The following CHRM5 variants were observed in gnomAD, a reference collection of about 807,000 sequenced individuals.
CHRM5 encodes the protein cholinergic receptor muscarinic 5, also known as muscarinic acetylcholine receptor M5.
A neutral mutation model predicts 39.0 loss-of-function variants in CHRM5; 18 were observed. The ratio of observed to expected loss-of-function variants is 0.46; its 90% CI spans 0.32 to 0.68. CHRM5 has a LOEUF of 0.68. Ranked by LOEUF, CHRM5 falls within the 30% of genes least tolerant of loss-of-function variation. CHRM5 has a pLI of 0.04. For missense variants in CHRM5, 515 were observed against 651.1 expected (o/e 0.79, Z 2.28); for synonymous variants, 241 against 246.3 (o/e 0.98, Z 0.20).
chr15:34,023,437 T>C (rs556189882), intron 1 of CHRM5, among the ~76,000 whole-genome samples: 46 of 152,276 alleles, frequency 3.0e-4, no homozygotes, highest in African/African-American at 1.0e-3. Context: ...CATCACATAA[T>C]GATAGCCGAT....
intron 1 of CHRM5, among the ~76,000 whole-genome samples, chr15:34,011,309 G>C (rs750806710): frequency 6.6e-6 from 1 of 152,042 alleles, no homozygotes; most frequent in Non-Finnish European, 1.5e-5. Flanking sequence ...AATAAAAAAG[G>C]ATACGGATAT....
At chr15:34,005,404 G>C (rs1046433560) in intron 1 of CHRM5, among the ~76,000 whole-genome samples, 4 of 151,800 alleles carry the variant, frequency 2.6e-5, no homozygotes, top group African/African-American at 9.7e-5. Context: ...GGCTAGGTCT[G>C]TTTGCTTCCT....
Position 34,031,277 on chromosome 15 carries a change from C to T in CHRM5, c.-407-15263C>T, listed in dbSNP as rs188243580. On this transcript the variant is annotated intron_variant, in intron 1 of 2. Coordinates refer to ENST00000383263, the MANE Select transcript of CHRM5 (RefSeq NM_012125.4). ...GCAACCTCCGCCTCCCGGGTTCAAG[C>T]GATTCTCCTGTCTCAGCCTCCCGAG... Among the ~76,000 whole-genome samples the T allele has an allele frequency of 1.5e-4, 22 of 142,844 alleles. No homozygotes were observed. The East Asian group carries it at 4.2e-3, about 28-fold the overall frequency. The allele number at this position is 142,844 out of a possible 152,430, so 93.7% of individuals were successfully genotyped here. A position where few individuals can be genotyped will look rare whatever the true frequency, so the allele number is the denominator to read the frequency against.
intron 1 of CHRM5, among the ~76,000 whole-genome samples, chr15:33,980,865 A>G (rs1435731168): frequency 6.6e-6 from 1 of 152,234 alleles, no homozygotes; most frequent in Non-Finnish European, 1.5e-5. Context: ...ACTTCAAAAT[A>G]TAATGGAAAA....
At chr15:34,005,686 A>C (rs1370980789) in intron 1 of CHRM5, among the ~76,000 whole-genome samples, 1 of 152,218 alleles carries the variant, frequency 6.6e-6, no homozygotes, top group Admixed American at 6.5e-5. Context: ...TTGTTTGTGC[A>C]GTGTTATTTG....
chr15:34,061,498 C>A (rs1900335405), intron 2 of CHRM5, among the ~76,000 whole-genome samples: 1 of 151,990 alleles, frequency 6.6e-6, no homozygotes. Flanking sequence ...TTAGTATATG[C>A]ATAGGGGAAA....
Position 34,039,408 on chromosome 15 carries a change from T to C in CHRM5, c.-407-7132T>C, listed in dbSNP as rs554751508. On this transcript the variant is annotated intron_variant, in intron 1 of 2. Coordinates refer to ENST00000383263, the MANE Select transcript of CHRM5 (RefSeq NM_012125.4). The stretch of plus-strand genomic sequence containing the variant: ...AATAAAATTTGTATGATGTGAACTC[T>C]CGGAAAAAAAAAGTTTAAACGTATG... Among the ~76,000 whole-genome samples the C allele has an allele frequency of 4.2e-3, 34 of 8,088 alleles. No homozygotes were observed. In the Middle Eastern group the frequency reaches 0.17, roughly 40 times the overall value. The allele number at this position is 8,088 out of a possible 152,430, so 5.3% of individuals were successfully genotyped here. A position where few individuals can be genotyped will look rare whatever the true frequency, so the allele number is the denominator to read the frequency against.
At chr15:33,987,061 A>T (rs1597315769) in intron 1 of CHRM5, among the ~76,000 whole-genome samples, 1 of 152,166 alleles carries the variant, frequency 6.6e-6, no homozygotes, top group African/African-American at 2.4e-5. Flanking sequence ...CATCCTCACC[A>T]CTCAATGCCT....
chr15:34,039,441 A>G (rs1234607774), intron 1 of CHRM5, among the ~76,000 whole-genome samples: 2 of 152,222 alleles, frequency 1.3e-5, no homozygotes, highest in East Asian at 1.9e-4. Flanking sequence ...ATGTATTTGC[A>G]TAAGAAAAGG....
chr15:33,983,549 G>A (rs758622273), intron 1 of CHRM5, among the ~76,000 whole-genome samples: 1 of 152,072 alleles, frequency 6.6e-6, no homozygotes, highest in African/African-American at 2.4e-5. Flanking sequence ...CTTGGCTTCA[G>A]AGAGAACTAG....
At chr15:33,975,969 T>A (rs985976273) in intron 1 of CHRM5, among the ~76,000 whole-genome samples, 1 of 152,154 alleles carries the variant, frequency 6.6e-6, no homozygotes, top group Non-Finnish European at 1.5e-5. Flanking sequence ...GTCCCTTGCA[T>A]AATATTCTAG....
intron 1 of CHRM5, among the ~76,000 whole-genome samples, chr15:34,024,775 A>T (rs2339350): frequency 5.3e-5 from 8 of 150,258 alleles, no homozygotes; most frequent in East Asian, 2.0e-4. Flanking sequence ...GCAGGAGAAT[A>T]GCTTGAACCC....
intron 1 of CHRM5, among the ~76,000 whole-genome samples, chr15:33,985,899 C>A (rs1032004606): frequency 2.0e-5 from 3 of 152,136 alleles, no homozygotes; most frequent in African/African-American, 7.2e-5. Context: ...TTCTCTAATA[C>A]TGAAAGGTTC....
intron 1 of CHRM5, among the ~76,000 whole-genome samples, chr15:34,005,114 T>C (rs1201043715): frequency 6.6e-6 from 1 of 152,116 alleles, no homozygotes; most frequent in Non-Finnish European, 1.5e-5. Flanking sequence ...TCAGTACACA[T>C]ACTTCCAGAT....
intron 1 of CHRM5, among the ~76,000 whole-genome samples, chr15:33,982,045 T>C (rs1271228908): frequency 2.7e-5 from 4 of 149,600 alleles, no homozygotes; most frequent in Non-Finnish European, 4.4e-5. Context: ...TTTTTTTTTA[T>C]TAGTAGAGAC....
chr15:34,065,722 A>G lies in CHRM5; in HGVS notation c.*1406A>G, dbSNP rs562730608. ...ACTTAATTGAAATCTCTAAGTGCGT[A>G]TAAACAAACGGAATCAAAGGACCTT... On this transcript the variant is annotated 3_prime_UTR_variant, in exon 3 of 3. Coordinates refer to ENST00000383263, the MANE Select transcript of CHRM5 (RefSeq NM_012125.4). 6 of 152,372 alleles carry G rather than the reference A, an allele frequency of 3.9e-5. No individual in the cohort carries two copies. In the South Asian group the frequency reaches 1.2e-3, roughly 32 times the overall value. The allele number at this position is 152,372 out of a possible 1,614,324, so 9.4% of individuals were successfully genotyped here.
rs1420942325 is a variant in CHRM5 at position 34,064,481 on chromosome 15, A to G, written c.*165A>G. 3.9e-6 allele frequency: 3 copies of G among 775,616 alleles called. No individual in the cohort carries two copies. The highest frequency in any genetic ancestry group is 4.1e-6 in the Non-Finnish European group (2 of 486,488). 48.0% of individuals were successfully genotyped at this position (775,616 alleles called of 1,614,324 possible). ...TTGGTTGCCAAATGGAAGGGGCCAT[A>G]GCTGCAGCAATTGCTGACATATTAA... On this transcript the variant is annotated 3_prime_UTR_variant, in exon 3 of 3. Coordinates refer to ENST00000383263, the MANE Select transcript of CHRM5 (RefSeq NM_012125.4).
intron 1 of CHRM5, chr15:34,039,134 G>C (rs1331415882): frequency 1.9e-6 from 2 of 1,029,564 alleles, no homozygotes; most frequent in Non-Finnish European, 2.3e-6. Context: ...GCACGGAGGA[G>C]CCGCGAGCGA....
rs145986949 is a variant in CHRM5 at position 34,044,509 on chromosome 15, T to C, written c.-407-2031T>C. ...CTTGGGCAACAGTCAAGGGCTTCTGTACCTCCAGATTCTCACATAACTTTG... is the reference window on the plus strand; with the variant it reads ...CTTGGGCAACAGTCAAGGGCTTCTGCACCTCCAGATTCTCACATAACTTTG... On this transcript the variant is annotated intron_variant, in intron 1 of 2. Coordinates refer to ENST00000383263, the MANE Select transcript of CHRM5 (RefSeq NM_012125.4). 3.5e-3 allele frequency among the ~76,000 whole-genome samples: 538 copies of C among 152,352 alleles called. 5 individuals are homozygous for C. The highest frequency in any genetic ancestry group is 0.012 in the African/African-American group (503 of 41,580).
Sources: gnomAD v4.1 joint callset for allele counts (sites outside exome capture counted in the v4.1 genomes callset) on GRCh38, gnomAD v4.1.1 for gene constraint, MANE v1.5 for transcripts, NCBI Gene and HGNC (gene_info 2026-07-23, HGNC 2026-07-21) for gene names.